ZNF420: variants seen among roughly 807,000 people sequenced by gnomAD.
ZNF420 encodes the protein ATM and p53-associated KZNF protein.
A neutral mutation model predicts 44.7 loss-of-function variants in ZNF420; 31 were observed. That is an observed-to-expected ratio of 0.69 (90% confidence interval 0.52 to 0.94). ZNF420 has a LOEUF of 0.94. ZNF420 is among the 40% of genes least tolerant of loss of function. The pLI, the probability that ZNF420 is intolerant of heterozygous loss-of-function variation, is 0.00. For missense variants in ZNF420, 681 were observed against 827.9 expected (o/e 0.82, Z 2.18); for synonymous variants, 245 against 267.4 (o/e 0.92, Z 0.82).
chr19:37,009,026 T>C (rs1047101981), intron 1 of ZNF420, among the ~76,000 whole-genome samples: 1 of 152,178 alleles, frequency 6.6e-6, no homozygotes. Flanking sequence ...TTTCACCTGA[T>C]GGCTGCGTAG....
At chr19:37,094,356 T>A (rs1305704894) in intron 4 of ZNF420, among the ~76,000 whole-genome samples, 2 of 152,182 alleles carry the variant, frequency 1.3e-5, no homozygotes, top group African/African-American at 4.8e-5. Context: ...AACTCCATTT[T>A]CCCCCTTGTT....
intron 1 of ZNF420, among the ~76,000 whole-genome samples, chr19:37,023,522 T>A (rs1276692744): frequency 3.3e-5 from 5 of 152,018 alleles, no homozygotes; most frequent in African/African-American, 1.2e-4. Context: ...CACGTCACCA[T>A]GCCCAGCTAA....
At chr19:37,057,490 TTCTC>T (rs749777753) in intron 1 of ZNF420, among the ~76,000 whole-genome samples, 6 of 151,144 alleles carry the variant, frequency 4.0e-5, no homozygotes, top group African/African-American at 9.8e-5. Flanking sequence ...CTCTGTCTGT[TTCTC>T]TCTCTCTCTT....
At chr19:37,125,385 G>A (rs901321597) in intron 4 of ZNF420, among the ~76,000 whole-genome samples, 2 of 152,206 alleles carry the variant, frequency 1.3e-5, no homozygotes, top group African/African-American at 4.8e-5. Context: ...GAGAGCTAAA[G>A]AGCAATTGGA....
intron 1 of ZNF420, among the ~76,000 whole-genome samples, chr19:37,025,545 G>A (rs539572110): frequency 2.2e-4 from 34 of 151,870 alleles, no homozygotes; most frequent in Non-Finnish European, 4.7e-4. Context: ...TTTATCTTCT[G>A]TGATGATACA....
At chr19:37,121,205 T>G (rs74997435) in intron 4 of ZNF420, among the ~76,000 whole-genome samples, 1 of 138,174 alleles carries the variant, frequency 7.2e-6, no homozygotes, top group Admixed American at 7.4e-5. Context: ...GGAGGCATCA[T>G]GCTACCTGAC....
chr19:37,048,634 C>CT (rs1393658633), intron 1 of ZNF420, among the ~76,000 whole-genome samples: 1 of 152,176 alleles, frequency 6.6e-6, no homozygotes, highest in Non-Finnish European at 1.5e-5. Flanking sequence ...TCACAAATGA[C>CT]TTAAGGAATT....
chr19:37,069,363 T>G (rs75463520), intron 1 of ZNF420, among the ~76,000 whole-genome samples: 4 of 152,150 alleles, frequency 2.6e-5, no homozygotes, highest in Non-Finnish European at 5.9e-5. Flanking sequence ...AAAGAAATCA[T>G]AGTAGAAATT....
chr19:37,099,870 G>A (rs867531388), intron 4 of ZNF420, among the ~76,000 whole-genome samples: 2 of 152,030 alleles, frequency 1.3e-5, no homozygotes, highest in Admixed American at 1.3e-4. Context: ...TGATCTGCCC[G>A]CCTGGGCCCC....
chr19:37,093,964 T>C (rs956629498), intron 4 of ZNF420, among the ~76,000 whole-genome samples: 2 of 152,214 alleles, frequency 1.3e-5, no homozygotes, highest in African/African-American at 4.8e-5. Context: ...TAAAAGCCAC[T>C]GAATTGTGCA....
At chr19:37,124,962 G>A (rs113925550) in intron 4 of ZNF420, among the ~76,000 whole-genome samples, 1,631 of 152,022 alleles carry the variant, frequency 0.011, 34 homozygotes, top group African/African-American at 0.037. Flanking sequence ...TTAGCCTCCC[G>A]AGTAGCTGGG....
At chr19:37,044,223 C>T (rs1000076432) in intron 1 of ZNF420, among the ~76,000 whole-genome samples, 3 of 152,200 alleles carry the variant, frequency 2.0e-5, no homozygotes, top group Non-Finnish European at 2.9e-5. Flanking sequence ...CACATTTTAA[C>T]AGCCAAGGAT....
At chr19:37,126,956 G>GTA (rs936757788) in intron 4 of ZNF420, among the ~76,000 whole-genome samples, 172 bp from the exon 5 acceptor site, 1 of 150,738 alleles carries the variant, frequency 6.6e-6, no homozygotes, top group Non-Finnish European at 1.5e-5. Flanking sequence ...TTATGAAACT[G>GTA]TATATATATA....
chr19:37,008,413 T>A (rs2074544823), intron 1 of ZNF420, among the ~76,000 whole-genome samples: 1 of 152,338 alleles, frequency 6.6e-6, no homozygotes, highest in Admixed American at 6.5e-5. Flanking sequence ...TTTCTGCATC[T>A]CTGCCTGGGT....
chr19:37,058,414 C>A (rs541599822), intron 1 of ZNF420, among the ~76,000 whole-genome samples: 1 of 152,112 alleles, frequency 6.6e-6, no homozygotes, highest in African/African-American at 2.4e-5. Context: ...TGAGAGACAT[C>A]CTCCCCTCTG....
intron 4 of ZNF420, among the ~76,000 whole-genome samples, chr19:37,102,439 G>T (rs1276040283): frequency 5.9e-5 from 9 of 152,176 alleles, no homozygotes; most frequent in South Asian, 4.1e-4. Flanking sequence ...TTGTCAGCAG[G>T]CATAAGAGAC....
intron 1 of ZNF420, among the ~76,000 whole-genome samples, chr19:37,022,940 A>G (rs897715176): frequency 2.0e-5 from 3 of 152,160 alleles, no homozygotes; most frequent in African/African-American, 4.8e-5. Flanking sequence ...GTTCGAGACA[A>G]GCCTGACCAA....
chr19:37,095,819 G>A (rs1052562464), intron 4 of ZNF420, among the ~76,000 whole-genome samples: 4 of 152,032 alleles, frequency 2.6e-5, no homozygotes, highest in East Asian at 1.9e-4. Context: ...GGCTGGTCTC[G>A]AACTCCTGAC....
chr19:37,054,623 C>G lies in ZNF420; in HGVS notation c.-124-25722C>G, dbSNP rs183004440. On this transcript the variant is annotated intron_variant, in intron 1 of 4. Coordinates refer to the ZNF420 transcript ENST00000587029. ...GTCTTTGAGAGTGAGTCCTTTTTAC[C>G]ACACTGTTAAGACTCACTGAGCAGA... is the stretch of plus-strand genomic sequence containing the variant. Among the ~76,000 whole-genome samples, 157 of 152,258 alleles carry G rather than the reference C, an allele frequency of 1.0e-3. 1 individual carries two copies. Among genetic ancestry groups the G allele is most frequent in the Middle Eastern group, 6.8e-3 (2 of 294 alleles).
Sources: allele counts gnomAD v4.1 joint callset (sites outside exome capture counted in the v4.1 genomes callset), GRCh38; gene constraint gnomAD v4.1.1; transcripts MANE v1.5; gene names NCBI Gene and HGNC (gene_info 2026-07-23, HGNC 2026-07-21).